Variants in TMEM68 observed in about 807,000 individuals in gnomAD.
The protein encoded by TMEM68 is transmembrane protein 68.
TMEM68 carries 25 observed loss-of-function variants against 36.9 expected under a neutral mutation model. That is an observed-to-expected ratio of 0.68 (90% confidence interval 0.49 to 0.95). The LOEUF (loss-of-function observed/expected upper bound fraction) is 0.95, where lower values mean the gene tolerates loss of function less well. Ranked by LOEUF, TMEM68 falls within the 40% of genes least tolerant of loss-of-function variation. The probability of loss-of-function intolerance (pLI) is 0.00; values close to 1 mark genes in which losing one functional copy is unlikely to be tolerated. For missense variants in TMEM68, 333 were observed against 392.0 expected (o/e 0.85, Z 1.27); for synonymous variants, 131 against 124.4 (o/e 1.05, Z -0.35).
At chr8:55,767,200 T>TA (rs997039289) in intron 1 of TMEM68, among the ~76,000 whole-genome samples, 3 of 151,538 alleles carry the variant, frequency 2.0e-5, no homozygotes, top group Admixed American at 6.6e-5. Flanking sequence ...AGATTACGTG[T>TA]AAAAAAACTC....
intron 7 of TMEM68, among the ~76,000 whole-genome samples, chr8:55,742,593 G>A (rs1269176603): frequency 6.6e-6 from 1 of 151,986 alleles, no homozygotes; most frequent in Non-Finnish European, 1.5e-5. Context: ...AGGCTGGAGT[G>A]CAGTGGCACA....
chr8:55,740,143 G>T lies in TMEM68; in HGVS notation c.964C>A (p.Arg322Ser), dbSNP rs1374343330. The change falls in exon 8 of 8, where the codon CGT becomes AGT. Residue 322 changes from arginine to serine, a missense_variant. Arg to Ser is a moderately radical substitution (Grantham distance 110). Coordinates refer to ENST00000434581, the MANE Select transcript of TMEM68 (RefSeq NM_001286657.2). ...TTGACCCTTTGTTATCAATGAAAAC[G>T]TTCTAACAAAGCACTCATAATGTTT... Reference protein sequence around the residue: ...PGNIMSALLERFH With the variant: ...PGNIMSALLESFH 3 of 1,612,218 alleles carry T rather than the reference G, an allele frequency of 1.9e-6. No individual in the cohort carries two copies. The highest frequency in any genetic ancestry group is 2.5e-6 in the Non-Finnish European group (3 of 1,179,142).
intron 4 of TMEM68, among the ~76,000 whole-genome samples, chr8:55,752,675 AT>A (rs1414696042): frequency 6.6e-6 from 1 of 152,094 alleles, no homozygotes; most frequent in African/African-American, 2.4e-5. Flanking sequence ...TAATGAATGA[AT>A]GAACAGGGAA....
rs1810056003 is a variant in TMEM68, at chr8:55,740,163, ATGTT to A, written c.940_943del (p.Asn314LeufsTer2). 1.2e-6 allele frequency: 2 copies of A among 1,613,400 alleles called. No homozygotes were observed. The highest frequency in any genetic ancestry group is 1.7e-6 in the Non-Finnish European group (2 of 1,179,882). ...AAAACGTTCTAACAAAGCACTCATA[ATGTT>A]TCCTGGTATTCTTTGGTGCTTATCA... On this transcript the variant is annotated frameshift_variant, in exon 8 of 8. Transcript: ENST00000434581. LOFTEE classifies it high-confidence loss of function.
chr8:55,756,387 T>A lies in TMEM68; in HGVS notation c.350A>T (p.Lys117Ile). The A allele has an allele frequency of 6.3e-7, 1 of 1,583,614 alleles. No homozygotes were observed. Among genetic ancestry groups the A allele is most frequent in the Non-Finnish European group, 8.5e-7 (1 of 1,170,850 alleles). The change falls in exon 4 of 8, where the codon AAA becomes ATA. Residue 117 changes from lysine (K) to isoleucine (I), a missense_variant. Transcript: ENST00000434581. Reference protein sequence around the residue: ...WHGYEVHGMEKIPEDGPALII... With the variant: ...WHGYEVHGMEIIPEDGPALII... ...AAGTGCTGGTCCATCTTCTGGTATT[T>A]TTTCCATTCCATGAACTTCATAACC...
chr8:55,754,672 A>C (rs1409036844), intron 4 of TMEM68, among the ~76,000 whole-genome samples: 7 of 108,490 alleles, frequency 6.5e-5, no homozygotes, highest in South Asian at 5.7e-4. Context: ...AAATACATAT[A>C]TTATGTAATA....
chr8:55,748,132 A>G (rs1309173270), intron 5 of TMEM68: 1 of 152,234 alleles, frequency 6.6e-6, no homozygotes, highest in Admixed American at 6.5e-5. Context: ...AGCCACAAGC[A>G]TTACTTTATC....
At chr8:55,744,436 G>A (rs1048510572) in intron 6 of TMEM68, among the ~76,000 whole-genome samples, 4 of 149,032 alleles carry the variant, frequency 2.7e-5, no homozygotes. Flanking sequence ...CTCCTGAGTA[G>A]CTGGGACTAT....
Position 55,762,750 on chromosome 8 carries a change from G to A in TMEM68, c.210C>T (p.Phe70=), listed in dbSNP as rs1243841935. The change falls in exon 3 of 8, where the codon TTC becomes TTT. Residue 70 remains phenylalanine, a synonymous_variant. Coordinates refer to ENST00000434581, the MANE Select transcript of TMEM68 (RefSeq NM_001286657.2). ...CATTCTTTCTCTTATAAATGTGTAAGAAAATAATAGTAAGGTAGAGAAGAA... is the reference window on the plus strand; with the variant it reads ...CATTCTTTCTCTTATAAATGTGTAAAAAAATAATAGTAAGGTAGAGAAGAA... The part of the protein sequence containing the change: ...TIFLLYLTII[F]LHIYKRKNVL... 6.8e-6 allele frequency: 11 copies of A among 1,613,516 alleles called. No individual in the cohort carries two copies. The highest frequency in any genetic ancestry group is 9.3e-6 in the Non-Finnish European group (11 of 1,179,744).
rs115429839 is a variant in TMEM68, at chr8:55,754,387, G to A, written c.493+1857C>T. Among the ~76,000 whole-genome samples the A allele has an allele frequency of 5.7e-3, 840 of 146,166 alleles. 5 individuals are homozygous for A. Among genetic ancestry groups the A allele is most frequent in the African/African-American group, 0.02 (800 of 39,518 alleles). ...AGGTACGAGAATCAGAGGTTGCAAT[G>A]AGCCGAGATTATGCCACTGCACTCT... On this transcript the variant is annotated intron_variant, in intron 4 of 7. Coordinates refer to ENST00000434581, the MANE Select transcript of TMEM68 (RefSeq NM_001286657.2).
In TMEM68 at chr8:55,740,123, C is replaced by A. The variant is rs200294454; in HGVS notation, c.*9G>T. On this transcript the variant is annotated 3_prime_UTR_variant, in exon 8 of 8. Coordinates refer to ENST00000434581, the MANE Select transcript of TMEM68 (RefSeq NM_001286657.2). ...TGTACTAAATCATCTTCTAGTTGAC[C>A]CTTTGTTATCAATGAAAACGTTCTA... is the stretch of plus-strand genomic sequence containing the variant. 5 of 1,606,162 alleles carry A rather than the reference C, an allele frequency of 3.1e-6. No individual in the cohort carries two copies. The highest frequency in any genetic ancestry group is 1.7e-4 in the Middle Eastern group (1 of 6,040).
At chr8:55,756,435 T>C in intron 3 of TMEM68, 24 bp from the exon 4 acceptor site, 1 of 1,538,222 alleles carries the variant, frequency 6.5e-7, no homozygotes. Context: ...AAAATGCAAA[T>C]ACTTAAAATA....
intron 3 of TMEM68, among the ~76,000 whole-genome samples, chr8:55,760,062 A>G (rs552691040): frequency 1.3e-5 from 2 of 152,272 alleles, no homozygotes; most frequent in Non-Finnish European, 2.9e-5. Context: ...CCTCAGTTCC[A>G]GGCTGGCTGT....
At chr8:55,750,389 C>T (rs1289161566) in intron 5 of TMEM68, among the ~76,000 whole-genome samples, 1 of 151,996 alleles carries the variant, frequency 6.6e-6, no homozygotes, top group East Asian at 1.9e-4. Context: ...TTCTGACAAT[C>T]AGAATTAAAA....
In TMEM68 at chr8:55,743,592, G is replaced by A; in HGVS notation, c.777C>T (p.Phe259=). The change falls in exon 7 of 8, where the codon TTC becomes TTT. Residue 259 remains phenylalanine, a synonymous_variant. Coordinates refer to ENST00000434581, the MANE Select transcript of TMEM68 (RefSeq NM_001286657.2). ...TRLFRWLYEK[F]RYPFAPMYGG... is the part of the protein sequence containing the mutation. ...CATACATTGGAGCAAATGGATAGCG[G>A]AATTTTTCATAAAGCCACCTAAATA... is the stretch of plus-strand genomic sequence containing the variant. The A allele has an allele frequency of 6.5e-7, 1 of 1,535,168 alleles. No homozygotes were observed.
At chr8:55,744,607 G>A (rs887499926) in intron 6 of TMEM68, among the ~76,000 whole-genome samples, 10 of 151,850 alleles carry the variant, frequency 6.6e-5, no homozygotes, top group Non-Finnish European at 1.3e-4. Context: ...GCTCCCGGCC[G>A]CTACAAAATA....
intron 7 of TMEM68, among the ~76,000 whole-genome samples, chr8:55,740,642 A>G (rs576876863): frequency 6.6e-6 from 1 of 152,354 alleles, no homozygotes; most frequent in African/African-American, 2.4e-5. Flanking sequence ...AGGAAAAAAA[A>G]TAGAAAAATT....
At chr8:55,769,558 GA>G (rs1563441768) in intron 1 of TMEM68, among the ~76,000 whole-genome samples, 1 of 151,836 alleles carries the variant, frequency 6.6e-6, no homozygotes, top group African/African-American at 2.4e-5. Flanking sequence ...GAAAACATAC[GA>G]AAAACACTTA....
At position 55,745,092 on chromosome 8, in the gene TMEM68, A is replaced by C. The variant is rs1810230958; in HGVS notation, c.717T>G (p.Ile239Met). ...VPIIPMFTQNIREGFRSLGGT... is the reference protein window; with the variant it reads ...VPIIPMFTQNMREGFRSLGGT... ...CTCCAAGTGATCTAAATCCTTCTCG[A>C]ATATTTTGTGTAAACATAGGAATAA... Residue 239 changes from isoleucine (I) to methionine (M), a missense_variant, in exon 6 of 8, where the codon ATT (isoleucine) becomes ATG (methionine). Ile to Met is a conservative substitution (Grantham distance 10). Transcript: ENST00000434581. The C allele has an allele frequency of 6.7e-7, 1 of 1,498,244 alleles. No individual in the cohort carries two copies. The highest frequency in any genetic ancestry group is 8.9e-7 in the Non-Finnish European group (1 of 1,128,688). The allele number at this position is 1,498,244 out of a possible 1,614,324, so 92.8% of individuals were successfully genotyped here.
Sources: gnomAD v4.1 joint callset for allele counts (sites outside exome capture counted in the v4.1 genomes callset) on GRCh38, gnomAD v4.1.1 for gene constraint, MANE v1.5 for transcripts, NCBI Gene and HGNC (gene_info 2026-07-23, HGNC 2026-07-21) for gene names.